CAMKMT: variants seen among roughly 807,000 people sequenced by gnomAD.
CAMKMT encodes the protein calmodulin-lysine N-methyltransferase, also known as CaM KMT.
CAMKMT carries 53 observed loss-of-function variants against 48.0 expected under a neutral mutation model. That is an observed-to-expected ratio of 1.10 (90% CI 0.89 to 1.39). The LOEUF (loss-of-function observed/expected upper bound fraction) is 1.39. CAMKMT is among the 40% of genes most tolerant of loss of function. The pLI is 0.00. For missense variants in CAMKMT, 428 were observed against 402.7 expected, an observed-to-expected ratio of 1.06 and a Z score of -0.54; for synonymous variants, 165 against 152.3, an observed-to-expected ratio of 1.08 and a Z score of -0.61.
intron 3 of CAMKMT, among the ~76,000 whole-genome samples, chr2:44,416,895 C>T (rs1558595832): frequency 6.6e-6 from 1 of 151,768 alleles, no homozygotes; most frequent in Non-Finnish European, 1.5e-5. Context: ...TTTTGAGATT[C>T]ATCCATATTG....
At chr2:44,426,233 TG>T (rs1270523400) in intron 3 of CAMKMT, among the ~76,000 whole-genome samples, 1 of 152,156 alleles carries the variant, frequency 6.6e-6, no homozygotes, top group Non-Finnish European at 1.5e-5. Context: ...TCAACATAAT[TG>T]GTAACTGGCA....
rs1279035376 is a variant in CAMKMT, at chr2:44,458,213, AT to A, written c.376+67913del. Among the ~76,000 whole-genome samples, 6 of 151,850 alleles carry A rather than the reference AT, an allele frequency of 4.0e-5. No homozygotes were observed. In the South Asian group the frequency reaches 1.3e-3, roughly 32 times the overall value. ...AGGCATGTGCCATCATGCCCGGCTA[AT>A]TTTTGTATTTTTAGTAGAGACAGGG... is the stretch of plus-strand genomic sequence containing the variant. On this transcript the variant is annotated intron_variant, in intron 3 of 10. Coordinates refer to ENST00000378494, the MANE Select transcript of CAMKMT (RefSeq NM_024766.5).
At chr2:44,460,497 A>G (rs1009978290) in intron 3 of CAMKMT, among the ~76,000 whole-genome samples, 3 of 152,122 alleles carry the variant, frequency 2.0e-5, no homozygotes, top group Non-Finnish European at 2.9e-5. Context: ...TGGCTTTGCA[A>G]ACTTATCAAA....
At chr2:44,749,887 T>C (rs957022805) in intron 8 of CAMKMT, among the ~76,000 whole-genome samples, 1 of 152,124 alleles carries the variant, frequency 6.6e-6, no homozygotes, top group Non-Finnish European at 1.5e-5. Flanking sequence ...TTACTCTTGC[T>C]GTGTGAAGAG....
chr2:44,599,306 A>T (rs181229350), intron 3 of CAMKMT, among the ~76,000 whole-genome samples: 37 of 152,148 alleles, frequency 2.4e-4, no homozygotes, highest in East Asian at 1.5e-3. Context: ...AAACTAGATT[A>T]TATCTGTCTT....
At chr2:44,545,056 C>A (rs1161973273) in intron 3 of CAMKMT, among the ~76,000 whole-genome samples, 1 of 152,196 alleles carries the variant, frequency 6.6e-6, no homozygotes. Context: ...GAAACTCTTT[C>A]AAGCTTTAGA....
intron 3 of CAMKMT, among the ~76,000 whole-genome samples, chr2:44,458,606 A>G (rs1667695807): frequency 6.6e-6 from 1 of 152,212 alleles, no homozygotes; most frequent in Non-Finnish European, 1.5e-5. Flanking sequence ...AACAGCATTT[A>G]GAAAGACGTT....
At chr2:44,672,481 G>A (rs1156810475) in intron 3 of CAMKMT, among the ~76,000 whole-genome samples, 7 of 152,034 alleles carry the variant, frequency 4.6e-5, no homozygotes, top group African/African-American at 1.7e-4. Flanking sequence ...TGCAGAACAA[G>A]ACCATTTGTA....
At chr2:44,603,126 T>A (rs1350769831) in intron 3 of CAMKMT, among the ~76,000 whole-genome samples, 2 of 152,066 alleles carry the variant, frequency 1.3e-5, no homozygotes, top group Non-Finnish European at 2.9e-5. Flanking sequence ...ACTTGCTTTG[T>A]CACCCAGGCT....
intron 3 of CAMKMT, among the ~76,000 whole-genome samples, chr2:44,591,616 G>C: frequency 6.6e-6 from 1 of 152,024 alleles, no homozygotes; most frequent in Non-Finnish European, 1.5e-5. Flanking sequence ...CTGTTGGTGG[G>C]ACTGTAAACT....
chr2:44,641,094 C>T (rs1177832620), intron 3 of CAMKMT, among the ~76,000 whole-genome samples: 1 of 152,128 alleles, frequency 6.6e-6, no homozygotes, highest in East Asian at 1.9e-4. Flanking sequence ...TGTTGCCCCC[C>T]TTTTATCTCA....
intron 3 of CAMKMT, among the ~76,000 whole-genome samples, chr2:44,693,378 C>G (rs1676767046): frequency 1.3e-5 from 2 of 152,116 alleles, no homozygotes; most frequent in African/African-American, 4.8e-5. Flanking sequence ...TTGTATTACT[C>G]TCTTCCTTTC....
At chr2:44,468,530 T>C (rs1004386878) in intron 3 of CAMKMT, among the ~76,000 whole-genome samples, 3 of 152,222 alleles carry the variant, frequency 2.0e-5, no homozygotes, top group Non-Finnish European at 4.4e-5. Context: ...AATCAGTATA[T>C]TGAAGAGCTA....
intron 3 of CAMKMT, among the ~76,000 whole-genome samples, chr2:44,522,116 G>C (rs1386796358): frequency 6.6e-6 from 1 of 151,282 alleles, no homozygotes; most frequent in Non-Finnish European, 1.5e-5. Context: ...CAATTCTCCT[G>C]CCTCAGCCTG....
chr2:44,576,574 G>T (rs1669233327), intron 3 of CAMKMT, among the ~76,000 whole-genome samples: 1 of 152,140 alleles, frequency 6.6e-6, no homozygotes, highest in African/African-American at 2.4e-5. Flanking sequence ...ATTACATGAG[G>T]GTCCAGCGTG....
chr2:44,682,896 A>G (rs1676103635), intron 3 of CAMKMT, among the ~76,000 whole-genome samples: 1 of 152,244 alleles, frequency 6.6e-6, no homozygotes, highest in African/African-American at 2.4e-5. Flanking sequence ...AATTGTTGGA[A>G]TCTGCTACAA....
At position 44,772,147 on chromosome 2, in the gene CAMKMT, C is replaced by G. The variant is rs750878776; in HGVS notation, c.*34C>G. 8 of 1,546,882 alleles carry G rather than the reference C, an allele frequency of 5.2e-6. No individual in the cohort carries two copies. The South Asian group carries it at 6.8e-5, about 13-fold the overall frequency. ...GCTTCTCAAAGACGAAGAAACGTAT[C>G]AAGTGCATAGGGAATATTTTTACAA... On this transcript the variant is annotated 3_prime_UTR_variant, in exon 11 of 11. Transcript: ENST00000378494.
intron 3 of CAMKMT, among the ~76,000 whole-genome samples, chr2:44,577,379 G>C (rs1211226424): frequency 6.6e-6 from 1 of 152,160 alleles, no homozygotes; most frequent in Non-Finnish European, 1.5e-5. Context: ...AGCACTTCGG[G>C]AGGCCAAGGC....
intron 3 of CAMKMT, among the ~76,000 whole-genome samples, chr2:44,672,466 A>C (rs1472211410): frequency 6.6e-6 from 1 of 151,870 alleles, no homozygotes; most frequent in Non-Finnish European, 1.5e-5. Flanking sequence ...TCTTGAATTT[A>C]CTTTTGCAGA....
Sources: gnomAD v4.1 joint callset for allele counts (sites outside exome capture counted in the v4.1 genomes callset) on GRCh38, gnomAD v4.1.1 for gene constraint, MANE v1.5 for transcripts, NCBI Gene and HGNC (gene_info 2026-07-23, HGNC 2026-07-21) for gene names.